The following DRC8 variants were observed in gnomAD, a reference collection of about 807,000 sequenced individuals.
DRC8 encodes dynein regulatory complex subunit 8, also known as dynein regulatory complex protein 8.
At chr1:245,082,911 G>A in the DRC8 span, among the ~76,000 whole-genome samples, 4 of 152,034 alleles carry the variant, frequency 2.6e-5, no homozygotes, top group Non-Finnish European at 5.9e-5. Context: ...GTTTCACTAT[G>A]TTGGCCAGGC....
chr1:244,969,943 C>G, the DRC8 span: 1 of 497,600 alleles, frequency 2.0e-6, no homozygotes, highest in Admixed American at 4.3e-5. Context: ...CCTTGGGAGC[C>G]CAGCTCTTCA....
chr1:244,974,056 TGAAA>T, the DRC8 span, among the ~76,000 whole-genome samples: 1 of 152,218 alleles, frequency 6.6e-6, no homozygotes, highest in Non-Finnish European at 1.5e-5. Context: ...CTTTTTTAAC[TGAAA>T]GAAGAATGTT....
chr1:245,031,482 T>G, the DRC8 span, among the ~76,000 whole-genome samples: 55,339 of 151,348 alleles, frequency 0.37, 10,420 homozygotes, highest in African/African-American at 0.47. Flanking sequence ...ATATACAGTA[T>G]AGTGACATTG....
chr1:245,037,478 G>A, the DRC8 span, among the ~76,000 whole-genome samples: 1 of 152,148 alleles, frequency 6.6e-6, no homozygotes, highest in African/African-American at 2.4e-5. Context: ...TGATTTCTTA[G>A]CATAAAATAT....
At chr1:245,039,064 T>G in the DRC8 span, among the ~76,000 whole-genome samples, 202 of 144,020 alleles carry the variant, frequency 1.4e-3, no homozygotes, top group Admixed American at 2.5e-3. Context: ...TGCCATTATT[T>G]TGAAATTTAA....
At chr1:245,087,418 T>C in the DRC8 span, 2 of 1,526,962 alleles carry the variant, frequency 1.3e-6, no homozygotes, top group South Asian at 2.6e-5. Context: ...TTGTTCTTGT[T>C]AATTTCACAT....
At chr1:245,020,435 T>C in the DRC8 span, among the ~76,000 whole-genome samples, 2 of 152,056 alleles carry the variant, frequency 1.3e-5, no homozygotes, top group Admixed American at 1.3e-4. Context: ...TTATTCTCTT[T>C]GTGCCTCCAT....
chr1:245,034,389 T>A, the DRC8 span, among the ~76,000 whole-genome samples: 1 of 151,876 alleles, frequency 6.6e-6, no homozygotes, highest in African/African-American at 2.4e-5. Context: ...TCTTTTGAGG[T>A]CAGGAGTTCA....
At chr1:245,104,747 T>C in the DRC8 span, among the ~76,000 whole-genome samples, 2 of 152,178 alleles carry the variant, frequency 1.3e-5, no homozygotes, top group African/African-American at 4.8e-5. Flanking sequence ...CCTTCCCCTT[T>C]TCCCCACACA....
chr1:245,097,653 A>C, the DRC8 span, among the ~76,000 whole-genome samples: 1 of 152,178 alleles, frequency 6.6e-6, no homozygotes, highest in African/African-American at 2.4e-5. This position sits in a 1 kb window ranked among gnomAD's most constrained non-coding sequence, Gnocchi z 5.0. Context: ...AACATATGTC[A>C]TGTCGGGATT....
At chr1:245,124,434 T>C in the DRC8 span, 1 of 152,148 alleles carries the variant, frequency 6.6e-6, no homozygotes, top group Non-Finnish European at 1.5e-5. Context: ...TTTGGCACCA[T>C]GATTGAGCAC....
chr1:244,990,373 G>A, the DRC8 span, among the ~76,000 whole-genome samples: 1 of 152,154 alleles, frequency 6.6e-6, no homozygotes, highest in Admixed American at 6.5e-5. Flanking sequence ...TGTATGAATA[G>A]GGGAAAACAT....
chr1:245,119,487 G>A, the DRC8 span, among the ~76,000 whole-genome samples: 5 of 151,564 alleles, frequency 3.3e-5, 1 homozygote, highest in Admixed American at 2.0e-4. Flanking sequence ...ACAAAGCGAG[G>A]CCCTGTCTCT....
At chr1:244,991,359 C>T in the DRC8 span, among the ~76,000 whole-genome samples, 2 of 152,032 alleles carry the variant, frequency 1.3e-5, no homozygotes, top group African/African-American at 4.8e-5. Context: ...GCTCTTGGAA[C>T]CCCTTTGTTT....
At chr1:245,065,948 C>T in the DRC8 span, among the ~76,000 whole-genome samples, 2 of 152,084 alleles carry the variant, frequency 1.3e-5, no homozygotes, top group African/African-American at 4.8e-5. Context: ...AGGGAATTTA[C>T]AGCTTTTCAA....
At chr1:244,977,650 T>G in the DRC8 span, among the ~76,000 whole-genome samples, 1 of 145,686 alleles carries the variant, frequency 6.9e-6, no homozygotes, top group Non-Finnish European at 1.5e-5. Flanking sequence ...CCTGTTAAAC[T>G]CTCTATTTCT....
the DRC8 span, among the ~76,000 whole-genome samples, chr1:245,064,917 T>C: frequency 6.6e-6 from 1 of 152,240 alleles, no homozygotes; most frequent in South Asian, 2.1e-4. Context: ...ACATATCTAA[T>C]GTGTTAGGTA....
At chr1:245,010,596 C>T in the DRC8 span, among the ~76,000 whole-genome samples, 1 of 152,194 alleles carries the variant, frequency 6.6e-6, no homozygotes, top group Admixed American at 6.5e-5. Context: ...TCTGGCCACA[C>T]TGAGAGATGA....
chr1:244,982,140 C>T, the DRC8 span, among the ~76,000 whole-genome samples: 1 of 152,114 alleles, frequency 6.6e-6, no homozygotes, highest in Non-Finnish European at 1.5e-5. Flanking sequence ...AATCTGGCAC[C>T]TACAGCTACA....
Sources: gnomAD v4.1 joint callset for allele counts (sites outside exome capture counted in the v4.1 genomes callset) on GRCh38, gnomAD v4.1.1 for gene constraint, Gnocchi (gnomAD v3.1) non-coding constraint, MANE v1.5 for transcripts, NCBI Gene and HGNC (gene_info 2026-07-23, HGNC 2026-07-21) for gene names.